Variants in PDCD10 observed in about 807,000 individuals in gnomAD.
PDCD10 encodes programmed cell death 10, also known as programmed cell death protein 10.
Under a neutral mutation model 29.2 loss-of-function variants are expected in PDCD10, and 4 were observed. The observed-to-expected ratio is 0.14, with a 90% CI of 0.07 to 0.31. The LOEUF (loss-of-function observed/expected upper bound fraction) is 0.31, where lower values mean the gene tolerates loss of function less well. Among genes scored for constraint, PDCD10 ranks in the 10% least tolerant of loss-of-function variants. PDCD10 has a pLI of 1.00. For missense variants in PDCD10, 183 were observed against 257.9 expected (o/e 0.71, Z 1.99); for synonymous variants, 70 against 82.2 (o/e 0.85, Z 0.80).
In PDCD10 at chr3:167,734,761, T is replaced by C; in HGVS notation, c.-353A>G. On this transcript the variant is annotated 5_prime_UTR_variant, in exon 1 of 9. Transcript: ENST00000392750. ...CTGCGTGACCCTAGACCTCTTCTGC[T>C]CGGTGCAGAGCTACGGGGACTGGGA... is the stretch of plus-strand genomic sequence containing the variant. 6.5e-6 allele frequency: 1 copy of C among 153,312 alleles called. No individual in the cohort carries two copies. Among genetic ancestry groups the C allele is most frequent in the Non-Finnish European group, 1.5e-5 (1 of 68,508 alleles). The allele number at this position is 153,312 out of a possible 1,614,324, so 9.5% of individuals were successfully genotyped here. A position where few individuals can be genotyped will look rare whatever the true frequency, so the allele number is the denominator to read the frequency against.
At chr3:167,691,863 C>A (rs898751994) in intron 6 of PDCD10, among the ~76,000 whole-genome samples, 7 of 152,114 alleles carry the variant, frequency 4.6e-5, no homozygotes, top group Non-Finnish European at 1.0e-4. Context: ...AGTTCTGTGG[C>A]CTTACCTAAT....
chr3:167,690,084 A>T (rs550803274), intron 6 of PDCD10, among the ~76,000 whole-genome samples: 36 of 152,340 alleles, frequency 2.4e-4, no homozygotes, highest in African/African-American at 8.4e-4. Context: ...TAAATATCGC[A>T]TAACTAATGA....
At chr3:167,695,034 T>TACAG (rs1720657573) in intron 6 of PDCD10, among the ~76,000 whole-genome samples, 1 of 152,202 alleles carries the variant, frequency 6.6e-6, no homozygotes, top group Non-Finnish European at 1.5e-5. Context: ...CCTCTCACCC[T>TACAG]TCACTGTACT....
At chr3:167,711,233 G>T (rs1260607065) in intron 3 of PDCD10, among the ~76,000 whole-genome samples, 2 of 152,168 alleles carry the variant, frequency 1.3e-5, no homozygotes, top group African/African-American at 4.8e-5. Context: ...CTCAGACAGA[G>T]AATTCAAAAT....
chr3:167,691,188 T>C (rs1387598938), intron 6 of PDCD10, among the ~76,000 whole-genome samples: 1 of 152,208 alleles, frequency 6.6e-6, no homozygotes, highest in Non-Finnish European at 1.5e-5. Flanking sequence ...AGAACATACA[T>C]GAAAATGTAC....
At chr3:167,693,705 G>A (rs563764499) in intron 6 of PDCD10, among the ~76,000 whole-genome samples, 1 of 152,200 alleles carries the variant, frequency 6.6e-6, no homozygotes, top group East Asian at 1.9e-4. Flanking sequence ...CACTTTGGGA[G>A]GCCAAGGCAG....
At chr3:167,731,710 C>T (rs1724833678) in intron 2 of PDCD10, among the ~76,000 whole-genome samples, 1 of 152,102 alleles carries the variant, frequency 6.6e-6, no homozygotes, top group African/African-American at 2.4e-5. Context: ...GCTTATAGTC[C>T]AGTGAGGAGA....
At chr3:167,718,396 G>GA (rs1176991575) in intron 3 of PDCD10, among the ~76,000 whole-genome samples, 3 of 151,594 alleles carry the variant, frequency 2.0e-5, no homozygotes, top group Non-Finnish European at 2.9e-5. Context: ...GTAAGTATCA[G>GA]AAAAAAAATG....
chr3:167,720,047 GT>G lies in PDCD10; in HGVS notation c.96+14del. 2 of 1,473,696 alleles carry G rather than the reference GT, an allele frequency of 1.4e-6. No homozygotes were observed. The highest frequency in any genetic ancestry group is 1.9e-6 in the Non-Finnish European group (2 of 1,052,190). The allele number at this position is 1,473,696 out of a possible 1,614,324, so 91.3% of individuals were successfully genotyped here. A position where few individuals can be genotyped will look rare whatever the true frequency, so the allele number is the denominator to read the frequency against. ...AATTGCAGAGTTCATGCAAGAACAT[GT>G]TTACCCAACTCACCTCATTAAACAC... On this transcript the variant is annotated intron_variant, in intron 3 of 8. Coordinates refer to ENST00000392750, the MANE Select transcript of PDCD10 (RefSeq NM_007217.4).
At chr3:167,685,276 G>A (rs1340781740) in intron 8 of PDCD10, among the ~76,000 whole-genome samples, 1 of 151,816 alleles carries the variant, frequency 6.6e-6, no homozygotes, top group Non-Finnish European at 1.5e-5. Flanking sequence ...AGCCGGGCAT[G>A]GTGGCATGTG....
chr3:167,731,125 T>C (rs527429504), intron 2 of PDCD10: 18 of 152,272 alleles, frequency 1.2e-4, no homozygotes, highest in African/African-American at 4.3e-4. Flanking sequence ...AATAAGTAAA[T>C]TTACTTATTT....
intron 4 of PDCD10, chr3:167,698,070 C>G: frequency 2.2e-6 from 1 of 444,664 alleles, no homozygotes; most frequent in Non-Finnish European, 4.5e-6. Flanking sequence ...CACTTAACCT[C>G]CGCCTCTTCA....
intron 3 of PDCD10, among the ~76,000 whole-genome samples, chr3:167,717,897 C>T (rs1395482159): frequency 6.6e-6 from 1 of 152,074 alleles, no homozygotes; most frequent in African/African-American, 2.4e-5. Context: ...ATTGTTAGAA[C>T]AAAAACCTTT....
chr3:167,707,861 T>C (rs1722143514), intron 3 of PDCD10, among the ~76,000 whole-genome samples: 2 of 152,152 alleles, frequency 1.3e-5, no homozygotes, highest in Admixed American at 6.5e-5. Context: ...TTACACAGTA[T>C]GTCCATGTAA....
intron 6 of PDCD10, among the ~76,000 whole-genome samples, chr3:167,689,177 G>T: frequency 6.6e-6 from 1 of 152,032 alleles, no homozygotes; most frequent in East Asian, 1.9e-4. Context: ...TTTTTAATTA[G>T]ATAACTATTC....
chr3:167,701,343 T>G (rs1025579174), intron 4 of PDCD10, among the ~76,000 whole-genome samples: 3 of 152,226 alleles, frequency 2.0e-5, no homozygotes, highest in African/African-American at 7.2e-5. Context: ...TATCTACATA[T>G]ACATACACAC....
Position 167,700,484 on chromosome 3 carries a change from G to GA in PDCD10, c.151-3359dup, listed in dbSNP as rs56875499. Among the ~76,000 whole-genome samples the GA allele has an allele frequency of 3.7e-4, 54 of 144,168 alleles. 1 individual carries two copies. Among genetic ancestry groups the GA allele is most frequent in the Middle Eastern group, 3.6e-3 (1 of 278 alleles). 94.6% of individuals were successfully genotyped at this position (144,168 alleles called of 152,430 possible). On this transcript the variant is annotated intron_variant, in intron 4 of 8. Coordinates refer to ENST00000392750, the MANE Select transcript of PDCD10 (RefSeq NM_007217.4). The stretch of plus-strand genomic sequence containing the variant: ...GAATACAGTCTAAGACTCACTGTAA[G>GA]AAAAAAAAAAAAGGAAATTCATGAA...
At position 167,687,701 on chromosome 3, in the gene PDCD10, G is replaced by C. The variant is rs2108375487; in HGVS notation, c.396-8C>G. 2 of 1,447,874 alleles carry C rather than the reference G, an allele frequency of 1.4e-6. No homozygotes were observed. The highest frequency in any genetic ancestry group is 1.9e-6 in the Non-Finnish European group (2 of 1,029,138). 89.7% of individuals were successfully genotyped at this position (1,447,874 alleles called of 1,614,324 possible). A position where few individuals can be genotyped will look rare whatever the true frequency, so the allele number is the denominator to read the frequency against. On this transcript the variant is annotated splice_polypyrimidine_tract_variant and splice_region_variant and intron_variant, in intron 6 of 8. Transcript: ENST00000392750. Reference sequence around the variant, plus strand: ...ATTGCACTAGCTATATCCCTGTTGGGAAAAGAATAAAGAATATCAGCTACA... The same window carrying C: ...ATTGCACTAGCTATATCCCTGTTGGCAAAAGAATAAAGAATATCAGCTACA...
chr3:167,713,222 T>A (rs1449506774), intron 3 of PDCD10, among the ~76,000 whole-genome samples: 1 of 151,890 alleles, frequency 6.6e-6, no homozygotes, highest in African/African-American at 2.4e-5. Context: ...AACATTCAAC[T>A]AGTATCAAAC....
Sources: gnomAD v4.1 joint callset for allele counts (sites outside exome capture counted in the v4.1 genomes callset) on GRCh38, gnomAD v4.1.1 for gene constraint, MANE v1.5 for transcripts, NCBI Gene and HGNC (gene_info 2026-07-23, HGNC 2026-07-21) for gene names.